Variants in EAF1 observed in about 807,000 individuals in gnomAD.
EAF1 encodes ELL associated factor 1.
EAF1 carries 19 observed loss-of-function variants against 26.6 expected under a neutral mutation model. The observed-to-expected ratio is 0.71, with a 90% CI of 0.50 to 1.05. The LOEUF is 1.05. EAF1 is among the 50% of genes least tolerant of loss of function. EAF1 has a pLI of 0.00. For missense variants in EAF1, 260 were observed against 335.5 expected, an observed-to-expected ratio of 0.78 and a Z score of 1.76; for synonymous variants, 102 against 120.6, an observed-to-expected ratio of 0.85 and a Z score of 1.01.
chr3:15,442,271 G>A lies in EAF1; in HGVS notation c.*3116G>A, dbSNP rs1202762136. ...ATATTTATTACATTATTTTGAAAGA[G>A]AATTAGTGTGTTATGTGGATAATGT... On this transcript the variant is annotated 3_prime_UTR_variant, in exon 6 of 6. Transcript: ENST00000396842. 1 of 152,262 alleles carries A rather than the reference G, an allele frequency of 6.6e-6. No individual in the cohort carries two copies. 9.4% of individuals were successfully genotyped at this position (152,262 alleles called of 1,614,324 possible). A position where few individuals can be genotyped will look rare whatever the true frequency, so the allele number is the denominator to read the frequency against.
Position 15,441,489 on chromosome 3 carries a change from C to CTTTTTTTTTTT in EAF1, c.*2346_*2356dup, listed in dbSNP as rs11343442. On this transcript the variant is annotated 3_prime_UTR_variant, in exon 6 of 6. Transcript: ENST00000396842. ...GAGTGCCCTGTGTGTACATACTGACCTTTTTTTTTTTTTTTTTTTTTTGCT... is the reference window on the plus strand; with the variant it reads ...GAGTGCCCTGTGTGTACATACTGACCTTTTTTTTTTTTTTTTTTTTTTTTTTTTTTTTTGCT... The CTTTTTTTTTTT allele has an allele frequency of 1.4e-5, 1 of 71,672 alleles. No homozygotes were observed. Among genetic ancestry groups the CTTTTTTTTTTT allele is most frequent in the Non-Finnish European group, 2.5e-5 (1 of 39,696 alleles). The allele number at this position is 71,672 out of a possible 1,614,324, so 4.4% of individuals were successfully genotyped here.
intron 4 of EAF1, among the ~76,000 whole-genome samples, chr3:15,435,721 A>G (rs7647032): frequency 0.24 from 37,183 of 152,186 alleles, 5,526 homozygotes; most frequent in South Asian, 0.42. Flanking sequence ...TCAAATATGT[A>G]AAGAGTGAAG....
intron 2 of EAF1, 97 bp downstream of exon 2, chr3:15,430,104 A>G: frequency 1.0e-6 from 1 of 993,882 alleles, no homozygotes; most frequent in Non-Finnish European, 1.4e-6. Flanking sequence ...AAAAATGTTT[A>G]GATTTCTAAA....
rs1281197609 is a variant in EAF1, at chr3:15,440,348, T to A, written c.*1193T>A. 1 of 152,156 alleles carries A rather than the reference T, an allele frequency of 6.6e-6. No individual in the cohort carries two copies. Among genetic ancestry groups the A allele is most frequent in the African/African-American group, 2.4e-5 (1 of 41,428 alleles). The allele number at this position is 152,156 out of a possible 1,614,324, so 9.4% of individuals were successfully genotyped here. On this transcript the variant is annotated 3_prime_UTR_variant, in exon 6 of 6. Coordinates refer to ENST00000396842, the MANE Select transcript of EAF1 (RefSeq NM_033083.7). ...CTACAGTGTGCCATTTCCAAATGGATCTGTTGTTGGAGGAAACTGGTTGCT... is the reference window on the plus strand; with the variant it reads ...CTACAGTGTGCCATTTCCAAATGGAACTGTTGTTGGAGGAAACTGGTTGCT...
chr3:15,434,881 A>G (rs1559505508), intron 4 of EAF1, among the ~76,000 whole-genome samples: 2 of 152,204 alleles, frequency 1.3e-5, no homozygotes, highest in African/African-American at 4.8e-5. Flanking sequence ...GTTGGAGGTG[A>G]AAACTAAGCG....
At chr3:15,439,060 G>A in intron 5 of EAF1, 49 bp from the exon 6 acceptor site, 2 of 1,546,518 alleles carry the variant, frequency 1.3e-6, no homozygotes, top group Non-Finnish European at 1.8e-6. Flanking sequence ...TTTAAATTCT[G>A]TACTTTTGTT....
chr3:15,431,091 T>G (rs2125064574), intron 2 of EAF1, among the ~76,000 whole-genome samples: 1 of 152,340 alleles, frequency 6.6e-6, no homozygotes, highest in African/African-American at 2.4e-5. Context: ...ATTTTTACTA[T>G]ATAAATAAGG....
rs1251409710 is a variant in EAF1, at chr3:15,436,579, AGTGT to A, written c.760+7_760+10del. ...AACCAGCTCATGAACACCCTCAGTA[AGTGT>A]GTACTCCTTTTTATGGCTGAGAGAG... On this transcript the variant is annotated splice_donor_5th_base_variant and intron_variant, in intron 5 of 5. Transcript: ENST00000396842. 6.3e-7 allele frequency: 1 copy of A among 1,577,212 alleles called. No individual in the cohort carries two copies.
Position 15,430,055 on chromosome 3 carries a change from T to G in EAF1, c.198+48T>G, listed in dbSNP as rs780935997. The G allele has an allele frequency of 3.1e-6, 4 of 1,282,148 alleles. No homozygotes were observed. The South Asian group carries it at 3.9e-5, about 12-fold the overall frequency. The allele number at this position is 1,282,148 out of a possible 1,614,324, so 79.4% of individuals were successfully genotyped here. On this transcript the variant is annotated intron_variant, in intron 2 of 5. Coordinates refer to ENST00000396842, the MANE Select transcript of EAF1 (RefSeq NM_033083.7). ...TTTAATGTAAGATCACAATGAATCTTTGTCTTTTATATTATTGCAATTTAA... is the reference window on the plus strand; with the variant it reads ...TTTAATGTAAGATCACAATGAATCTGTGTCTTTTATATTATTGCAATTTAA...
At chr3:15,437,404 C>T (rs1331090683) in intron 5 of EAF1, among the ~76,000 whole-genome samples, 7 of 151,536 alleles carry the variant, frequency 4.6e-5, no homozygotes, top group Admixed American at 1.3e-4. Context: ...CCACCCACCT[C>T]GGCTTCCCAA....
At chr3:15,432,596 A>G (rs758193858) in intron 3 of EAF1, among the ~76,000 whole-genome samples, 2 of 152,154 alleles carry the variant, frequency 1.3e-5, no homozygotes, top group Non-Finnish European at 2.9e-5. Flanking sequence ...GAAAACATTA[A>G]TTTTTTTACA....
rs748758075 is a variant in EAF1 at position 15,432,195 on chromosome 3, A to C, written c.307A>C (p.Ser103Arg). 8 of 1,614,196 alleles carry C rather than the reference A, an allele frequency of 5.0e-6. No individual in the cohort carries two copies. In the South Asian group the frequency reaches 8.8e-5, roughly 18 times the overall value. The stretch of plus-strand genomic sequence containing the variant: ...TGGTGAATATGTGCTGGAAAAACTC[A>C]GTAGCAGCATTCAGGTGAAGAAAAC... ...DTGEYVLEKL[S>R]SSIQVKKTRA... The change falls in exon 3 of 6, where the codon AGT (serine) becomes CGT (arginine). Residue 103 changes from serine to arginine, a missense_variant. Transcript: ENST00000396842.
Position 15,429,982 on chromosome 3 carries a change from T to TC in EAF1, c.174dup (p.Thr59HisfsTer33). ...CTTCAAGTTGGCAAAGGAGATGAAG[T>TC]CACAATTACACTGCCACATATCCCT... On this transcript the variant is annotated frameshift_variant, in exon 2 of 6. Coordinates refer to ENST00000396842, the MANE Select transcript of EAF1 (RefSeq NM_033083.7). LOFTEE classifies it high-confidence loss of function. 1.9e-6 allele frequency: 3 copies of TC among 1,611,688 alleles called. No homozygotes were observed. Among genetic ancestry groups the TC allele is most frequent in the Non-Finnish European group, 2.5e-6 (3 of 1,178,530 alleles).
intron 5 of EAF1, among the ~76,000 whole-genome samples, chr3:15,436,880 C>G (rs2061839159): frequency 6.6e-6 from 1 of 152,168 alleles, no homozygotes; most frequent in African/African-American, 2.4e-5. Flanking sequence ...CTACCTGCCA[C>G]CATACTGCTC....
At chr3:15,429,772 C>A in intron 1 of EAF1, 141 bp from the exon 2 acceptor site, 1 of 641,874 alleles carries the variant, frequency 1.6e-6, no homozygotes, top group South Asian at 1.8e-5. Flanking sequence ...TTTTCCATAA[C>A]GAAACAGTTT....
At position 15,441,050 on chromosome 3, in the gene EAF1, G is replaced by A. The variant is rs914460146; in HGVS notation, c.*1895G>A. On this transcript the variant is annotated 3_prime_UTR_variant, in exon 6 of 6. Transcript: ENST00000396842. ...CTTGATTTCTGTAGACAGAACTATGGTTTTTGGCATGTTGGGTCAAGACGT... is the reference window on the plus strand; with the variant it reads ...CTTGATTTCTGTAGACAGAACTATGATTTTTGGCATGTTGGGTCAAGACGT... 4 of 152,446 alleles carry A rather than the reference G, an allele frequency of 2.6e-5. No homozygotes were observed. Among genetic ancestry groups the A allele is most frequent in the African/African-American group, 9.7e-5 (4 of 41,402 alleles). 9.4% of individuals were successfully genotyped at this position (152,446 alleles called of 1,614,324 possible).
intron 4 of EAF1, among the ~76,000 whole-genome samples, chr3:15,435,309 T>G (rs192375746): frequency 6.6e-6 from 1 of 152,348 alleles, no homozygotes; most frequent in Admixed American, 6.5e-5. Context: ...TCCTCCAGAC[T>G]CTTTAGAAGT....
chr3:15,431,463 G>GA, intron 2 of EAF1, among the ~76,000 whole-genome samples: 1 of 152,296 alleles, frequency 6.6e-6, no homozygotes, highest in Admixed American at 6.5e-5. Context: ...GGATAGGAGG[G>GA]AAGCCAGTTG....
chr3:15,429,265 C>T (rs796558726), intron 1 of EAF1, among the ~76,000 whole-genome samples: 11 of 151,942 alleles, frequency 7.2e-5, no homozygotes, highest in African/African-American at 2.7e-4. Context: ...TTTGGGAGGC[C>T]GAGGTCGACA....
Sources: gnomAD v4.1 joint callset for allele counts (sites outside exome capture counted in the v4.1 genomes callset) on GRCh38, gnomAD v4.1.1 for gene constraint, MANE v1.5 for transcripts, NCBI Gene and HGNC (gene_info 2026-07-23, HGNC 2026-07-21) for gene names.